The following STAU2 variants were observed in gnomAD, a reference collection of about 807,000 sequenced individuals.
The protein encoded by STAU2 is staufen double-stranded RNA binding protein 2, also known as double-stranded RNA-binding protein Staufen homolog 2.
STAU2 carries 20 observed loss-of-function variants against 65.9 expected under a neutral mutation model. That is an observed-to-expected ratio of 0.30 (90% CI 0.21 to 0.44). STAU2 has a LOEUF of 0.44. Among genes scored for constraint, STAU2 ranks in the 20% least tolerant of loss-of-function variants. The pLI, the probability that STAU2 is intolerant of heterozygous loss-of-function variation, is 1.00. For missense variants in STAU2, 558 were observed against 683.9 expected, an observed-to-expected ratio of 0.82 and a Z score of 2.05; for synonymous variants, 232 against 233.9, an observed-to-expected ratio of 0.99 and a Z score of 0.07.
chr8:73,712,909 G>C (rs1209555376), intron 3 of STAU2, among the ~76,000 whole-genome samples: 2 of 152,184 alleles, frequency 1.3e-5, no homozygotes, highest in African/African-American at 4.8e-5. Flanking sequence ...TCCAGCCTGG[G>C]TGACAGAGTG....
intron 12 of STAU2, among the ~76,000 whole-genome samples, chr8:73,561,993 T>C (rs960121355): frequency 6.6e-6 from 1 of 152,244 alleles, no homozygotes; most frequent in Non-Finnish European, 1.5e-5. Flanking sequence ...CAAGTATAAC[T>C]ACCTTTCAGT....
At chr8:73,452,629 G>A (rs1818858080) in intron 13 of STAU2, among the ~76,000 whole-genome samples, 1 of 152,210 alleles carries the variant, frequency 6.6e-6, no homozygotes. Flanking sequence ...AGTAGAATGT[G>A]AGTTCTGGAT....
At position 73,465,941 on chromosome 8, in the gene STAU2, G is replaced by A. The variant is rs565023358; in HGVS notation, c.1531-43239C>T. On this transcript the variant is annotated intron_variant, in intron 13 of 14. Coordinates refer to ENST00000524300, the MANE Select transcript of STAU2 (RefSeq NM_001164380.2). ...AGCGTTTCTCCTGTCTCAACCTCCC[G>A]AGTACCTGGGATTACAGGCGCACGC... Among the ~76,000 whole-genome samples the A allele has an allele frequency of 1.8e-4, 27 of 152,222 alleles. 1 individual carries two copies. Among genetic ancestry groups the A allele is most frequent in the Admixed American group, 1.4e-3 (22 of 15,292 alleles).
At chr8:73,635,925 C>T (rs1341039979) in intron 6 of STAU2, among the ~76,000 whole-genome samples, 1 of 96,682 alleles carries the variant, frequency 1.0e-5, no homozygotes, top group African/African-American at 4.0e-5. Flanking sequence ...CACACACACA[C>T]ACACACACAC....
rs546677432 is a variant in STAU2, at chr8:73,654,833, C to T, written c.410+18274G>A. ...TCCTGTGTAGCTGGGACTACAGGCG[C>T]GCGCCACCATGCCCGGCTAATTTTT... On this transcript the variant is annotated intron_variant, in intron 6 of 14. Transcript: ENST00000524300. 9.1e-4 allele frequency among the ~76,000 whole-genome samples: 138 copies of T among 151,334 alleles called. 1 individual carries two copies. The highest frequency in any genetic ancestry group is 2.7e-3 in the African/African-American group (112 of 41,298).
intron 9 of STAU2, among the ~76,000 whole-genome samples, chr8:73,605,560 C>T (rs1181357685): frequency 1.3e-5 from 2 of 151,884 alleles, no homozygotes; most frequent in African/African-American, 2.4e-5. Flanking sequence ...CCTTCCACCT[C>T]GGCCTCCCAA....
At chr8:73,587,869 C>A (rs1810487018) in intron 11 of STAU2, among the ~76,000 whole-genome samples, 1 of 152,024 alleles carries the variant, frequency 6.6e-6, no homozygotes, top group African/African-American at 2.4e-5. Context: ...AAATTATAAA[C>A]CTTGAGTTTT....
chr8:73,642,444 A>C (rs761812445), intron 6 of STAU2, among the ~76,000 whole-genome samples: 32 of 151,698 alleles, frequency 2.1e-4, no homozygotes, highest in Non-Finnish European at 3.8e-4. Context: ...AATCTCTTGA[A>C]CCCGGGAGGC....
At chr8:73,569,653 T>C (rs1276645386) in intron 12 of STAU2, among the ~76,000 whole-genome samples, 2 of 152,124 alleles carry the variant, frequency 1.3e-5, no homozygotes, top group African/African-American at 4.8e-5. Flanking sequence ...CATTCTGCAA[T>C]ATTTGCTGTT....
intron 13 of STAU2, among the ~76,000 whole-genome samples, chr8:73,427,837 T>C (rs150261545): frequency 6.6e-6 from 1 of 152,406 alleles, no homozygotes; most frequent in East Asian, 1.9e-4. Flanking sequence ...CCAGTTACTT[T>C]TCTTCTGAGC....
At chr8:73,562,448 T>G (rs989506063) in intron 12 of STAU2, among the ~76,000 whole-genome samples, 3 of 152,316 alleles carry the variant, frequency 2.0e-5, no homozygotes, top group African/African-American at 7.2e-5. Flanking sequence ...ATGGCAACTC[T>G]GCACTCCAGC....
At chr8:73,550,584 G>A (rs1422349674) in intron 13 of STAU2, 41 of 977,158 alleles carry the variant, frequency 4.2e-5, no homozygotes, top group African/African-American at 1.2e-4. Flanking sequence ...TTCATCCTAC[G>A]GAGATTATAG....
chr8:73,591,907 A>C (rs1198184254), intron 11 of STAU2, among the ~76,000 whole-genome samples: 8 of 141,354 alleles, frequency 5.7e-5, no homozygotes, highest in African/African-American at 1.7e-4. Flanking sequence ...AAAAAAAAAA[A>C]AAAAAAACAA....
chr8:73,569,208 C>T (rs1808851903), intron 12 of STAU2, among the ~76,000 whole-genome samples: 1 of 152,084 alleles, frequency 6.6e-6, no homozygotes, highest in Non-Finnish European at 1.5e-5. Flanking sequence ...GCCTCGCTCA[C>T]TGCTAGCACA....
intron 1 of STAU2, among the ~76,000 whole-genome samples, chr8:73,745,612 G>C (rs2130802736): frequency 6.6e-6 from 1 of 152,290 alleles, no homozygotes; most frequent in Admixed American, 6.5e-5. Flanking sequence ...TCAATTAACA[G>C]TAAAATATCT....
chr8:73,576,120 T>C (rs922523079), intron 12 of STAU2, among the ~76,000 whole-genome samples: 5 of 152,078 alleles, frequency 3.3e-5, no homozygotes, highest in Non-Finnish European at 7.4e-5. Context: ...TCTTGTAAAT[T>C]TGAACTTACA....
At chr8:73,669,826 G>A (rs1023296681) in intron 6 of STAU2, among the ~76,000 whole-genome samples, 1 of 152,036 alleles carries the variant, frequency 6.6e-6, no homozygotes, top group Non-Finnish European at 1.5e-5. Context: ...CATTGCTTTA[G>A]CACCAGACTT....
chr8:73,731,727 C>G (rs917042217), intron 3 of STAU2, among the ~76,000 whole-genome samples: 8 of 152,044 alleles, frequency 5.3e-5, no homozygotes, highest in Non-Finnish European at 1.2e-4. Flanking sequence ...CACCTGAGGT[C>G]AGGAATTTGA....
At position 73,603,813 on chromosome 8, in the gene STAU2, T is replaced by C. The variant is rs1282978032; in HGVS notation, c.942A>G (p.Gln314=). 6.2e-7 allele frequency: 1 copy of C among 1,612,180 alleles called. No individual in the cohort carries two copies. The highest frequency in any genetic ancestry group is 8.5e-7 in the Non-Finnish European group (1 of 1,179,890). ...QGMNPISRLA[Q]IQQAKKEKEP... ...CCTTTTCCTTTTTGGCCTGTTGAAT[T>C]TGCGCCAGGCGGCTAATAGGGTTCA... Residue 314 remains glutamine, a synonymous_variant, in exon 10 of 15, where the codon CAA becomes CAG. Coordinates refer to ENST00000524300, the MANE Select transcript of STAU2 (RefSeq NM_001164380.2).
Sources: gnomAD v4.1 joint callset for allele counts (sites outside exome capture counted in the v4.1 genomes callset) on GRCh38, gnomAD v4.1.1 for gene constraint, MANE v1.5 for transcripts, NCBI Gene and HGNC (gene_info 2026-07-23, HGNC 2026-07-21) for gene names.